The following HCRTR2 variants were observed in gnomAD, a reference collection of about 807,000 sequenced individuals.
The protein encoded by HCRTR2 is orexin receptor type 2.
In HCRTR2, 22 loss-of-function variants were observed where a neutral mutation model predicts 49.0. That is an observed-to-expected ratio of 0.45 (90% CI 0.32 to 0.64). The LOEUF (loss-of-function observed/expected upper bound fraction) is 0.64, where lower values mean the gene tolerates loss of function less well. HCRTR2 is among the 30% of genes least tolerant of loss of function. The pLI, the probability that HCRTR2 is intolerant of heterozygous loss-of-function variation, is 0.04. For missense variants in HCRTR2, 491 were observed against 559.4 expected (o/e 0.88, Z 1.23); for synonymous variants, 236 against 205.3 (o/e 1.15, Z -1.28).
chr6:55,122,003 T>C (rs1365078419), intron 1 of HCRTR2, among the ~76,000 whole-genome samples: 2 of 152,168 alleles, frequency 1.3e-5, no homozygotes, highest in African/African-American at 4.8e-5. Flanking sequence ...GGATTCCCTC[T>C]TTTTCTATTG....
chr6:55,156,118 T>C (rs1219157612), intron 1 of HCRTR2, among the ~76,000 whole-genome samples: 1 of 151,724 alleles, frequency 6.6e-6, no homozygotes, highest in Non-Finnish European at 1.5e-5. Context: ...ATAATATTAT[T>C]GTTACATTAT....
At chr6:55,157,704 A>G (rs2127260834) in intron 1 of HCRTR2, among the ~76,000 whole-genome samples, 1 of 152,336 alleles carries the variant, frequency 6.6e-6, no homozygotes, top group African/African-American at 2.4e-5. Context: ...TCTGTTTGGG[A>G]GAAAGTAAGG....
intron 2 of HCRTR2, among the ~76,000 whole-genome samples, 168 bp from the exon 3 acceptor site, chr6:55,254,968 G>A (rs942652584): frequency 6.6e-6 from 1 of 151,916 alleles, no homozygotes; most frequent in Admixed American, 6.6e-5. Context: ...TTTCATTTTT[G>A]TGATATAATT....
At chr6:55,226,286 G>C (rs551104581) in intron 1 of HCRTR2, among the ~76,000 whole-genome samples, 4 of 152,112 alleles carry the variant, frequency 2.6e-5, no homozygotes, top group Non-Finnish European at 5.9e-5. Flanking sequence ...TATTTGTTCA[G>C]GATGAAGTCT....
downstream of HCRTR2, among the ~76,000 whole-genome samples, chr6:55,283,253 A>G (rs906159964): frequency 2.0e-4 from 31 of 152,206 alleles, no homozygotes; most frequent in African/African-American, 7.5e-4. Context: ...GTGCTAGGGA[A>G]TGAGATGGCG....
chr6:55,171,411 C>A (rs1314822014), upstream of HCRTR2, among the ~76,000 whole-genome samples: 1 of 152,016 alleles, frequency 6.6e-6, no homozygotes, highest in Non-Finnish European at 1.5e-5. Context: ...CTACATCCAG[C>A]AGAAATATTT....
chr6:55,120,189 T>C (rs978364357), intron 1 of HCRTR2, among the ~76,000 whole-genome samples: 1 of 152,160 alleles, frequency 6.6e-6, no homozygotes, highest in Non-Finnish European at 1.5e-5. Context: ...TAGTATAGGT[T>C]GAAGTCAAGT....
At chr6:55,133,636 C>G (rs1287151476) in intron 1 of HCRTR2, among the ~76,000 whole-genome samples, 1 of 150,334 alleles carries the variant, frequency 6.7e-6, no homozygotes, top group Non-Finnish European at 1.5e-5. Context: ...AGCTATATAT[C>G]TACATGTATT....
At chr6:55,125,928 C>A (rs1246224905) in intron 1 of HCRTR2, among the ~76,000 whole-genome samples, 3 of 152,048 alleles carry the variant, frequency 2.0e-5, no homozygotes, top group Admixed American at 1.3e-4. Context: ...CCTGTGTATG[C>A]TTCACGAAGT....
chr6:55,148,977 C>T (rs953111241), intron 1 of HCRTR2, among the ~76,000 whole-genome samples: 6 of 151,862 alleles, frequency 4.0e-5, no homozygotes, highest in Non-Finnish European at 5.9e-5. Flanking sequence ...AGTTGTGAAC[C>T]TACATATTGC....
intron 1 of HCRTR2, among the ~76,000 whole-genome samples, chr6:55,110,022 G>C (rs1764027809): frequency 6.6e-6 from 1 of 152,066 alleles, no homozygotes; most frequent in African/African-American, 2.4e-5. Context: ...CAGCAGATTT[G>C]TCAGCAGAGA....
At chr6:55,248,921 A>C in intron 2 of HCRTR2, 104 bp downstream of exon 2, 1 of 955,004 alleles carries the variant, frequency 1.0e-6, no homozygotes, top group Non-Finnish European at 1.7e-6. Flanking sequence ...ATATTTGCCT[A>C]AGGCATTGAC....
intron 1 of HCRTR2, among the ~76,000 whole-genome samples, chr6:55,195,522 A>G (rs991486955): frequency 1.3e-5 from 2 of 152,246 alleles, no homozygotes; most frequent in African/African-American, 4.8e-5. Context: ...GCTGCACAAC[A>G]GAGTGGCTAT....
At chr6:55,272,606 T>G (rs1766993806) in intron 4 of HCRTR2, among the ~76,000 whole-genome samples, 1 of 151,948 alleles carries the variant, frequency 6.6e-6, no homozygotes, top group South Asian at 2.1e-4. Context: ...ACTTTTTTTT[T>G]TTTTAGAAAG....
intron 1 of HCRTR2, among the ~76,000 whole-genome samples, chr6:55,232,083 T>G (rs192950017): frequency 6.6e-6 from 1 of 152,272 alleles, no homozygotes; most frequent in East Asian, 1.9e-4. Flanking sequence ...TTCAGAACTC[T>G]ATTCTGACAA....
At chr6:55,133,297 T>G (rs915023270) in intron 1 of HCRTR2, among the ~76,000 whole-genome samples, 2 of 151,638 alleles carry the variant, frequency 1.3e-5, no homozygotes, top group Non-Finnish European at 3.0e-5. Context: ...CATGCAAAAT[T>G]GAAGCTAACA....
chr6:55,111,025 C>T (rs1488986030), intron 1 of HCRTR2, among the ~76,000 whole-genome samples: 2 of 152,044 alleles, frequency 1.3e-5, no homozygotes, highest in African/African-American at 4.8e-5. Flanking sequence ...ATCAAGTACT[C>T]GTTCAGACCA....
At chr6:55,260,782 A>G (rs1766739311) in intron 3 of HCRTR2, among the ~76,000 whole-genome samples, 1 of 152,222 alleles carries the variant, frequency 6.6e-6, no homozygotes. Flanking sequence ...ATATCCAGCA[A>G]GAATCAAATG....
intron 1 of HCRTR2, among the ~76,000 whole-genome samples, chr6:55,231,707 A>G (rs1274496432): frequency 6.6e-6 from 1 of 152,196 alleles, no homozygotes; most frequent in East Asian, 1.9e-4. Context: ...CAAGGCTTGC[A>G]GACTTGTGAG....
Sources: allele counts gnomAD v4.1 joint callset (sites outside exome capture counted in the v4.1 genomes callset), GRCh38; gene constraint gnomAD v4.1.1; transcripts MANE v1.5; gene names NCBI Gene and HGNC (gene_info 2026-07-23, HGNC 2026-07-21).